D2HGDH: variants seen among roughly 807,000 people sequenced by gnomAD.
D2HGDH encodes D-2-hydroxyglutarate dehydrogenase.
In D2HGDH, 31 loss-of-function variants were observed where a neutral mutation model predicts 46.9. The ratio of observed to expected loss-of-function variants is 0.66; its 90% confidence interval spans 0.50 to 0.89. The LOEUF (loss-of-function observed/expected upper bound fraction) is 0.89. Among genes scored for constraint, D2HGDH ranks in the 40% least tolerant of loss-of-function variants. The pLI, the probability that D2HGDH is intolerant of heterozygous loss-of-function variation, is 0.00. For synonymous variants in D2HGDH, 364 were observed against 332.6 expected (o/e 1.09, Z -1.03); for missense variants, 698 against 720.8 (o/e 0.97, Z 0.36).
intron 8 of D2HGDH, among the ~76,000 whole-genome samples, chr2:241,753,326 A>G (rs1476743599): frequency 1.3e-5 from 2 of 151,454 alleles, no homozygotes; most frequent in Non-Finnish European, 2.9e-5. Flanking sequence ...GGCTCTGGGC[A>G]GGTCCTGAGG....
intron 8 of D2HGDH, chr2:241,755,288 T>A (rs1358217049): frequency 7.7e-7 from 1 of 1,298,528 alleles, no homozygotes; most frequent in Middle Eastern, 2.1e-4. Context: ...ACCCGCCATG[T>A]CCCTGCCTCC....
intron 9 of D2HGDH, among the ~76,000 whole-genome samples, chr2:241,764,518 C>T (rs1049687135): frequency 3.3e-5 from 5 of 152,190 alleles, no homozygotes; most frequent in East Asian, 1.9e-4. Flanking sequence ...GGTGGCATCT[C>T]GGAGGAGGCA....
At chr2:241,750,008 T>A in intron 6 of D2HGDH, 143 bp from the exon 7 acceptor site, 2 of 1,230,132 alleles carry the variant, frequency 1.6e-6, no homozygotes, top group Admixed American at 3.9e-5. Flanking sequence ...GGGCTGTTTG[T>A]TGCAGTGCCA....
intron 9 of D2HGDH, among the ~76,000 whole-genome samples, chr2:241,763,849 G>A (rs141726526): frequency 0.011 from 1,696 of 152,100 alleles, 39 homozygotes; most frequent in African/African-American, 0.039. Context: ...GGGCAACATG[G>A]TGAGACCGGC....
chr2:241,755,632 G>A (rs1197138661), intron 8 of D2HGDH: 4 of 1,530,744 alleles, frequency 2.6e-6, no homozygotes, highest in Non-Finnish European at 3.5e-6. Context: ...CCTGGTCTGG[G>A]GCATTCGCTG....
chr2:241,761,105 C>G (rs926942996), intron 9 of D2HGDH, among the ~76,000 whole-genome samples: 1 of 152,090 alleles, frequency 6.6e-6, no homozygotes, highest in Non-Finnish European at 1.5e-5. Flanking sequence ...CCTGTATTTG[C>G]GGGCTCCACA....
Position 241,742,388 on chromosome 2 carries a change from G to A in D2HGDH, c.351-47G>A, listed in dbSNP as rs369424425. The A allele has an allele frequency of 2.8e-4, 440 of 1,560,250 alleles. 1 individual carries two copies. The highest frequency in any genetic ancestry group is 1.5e-4 in the African/African-American group (11 of 73,666). On this transcript the variant is annotated intron_variant, in intron 3 of 9. Transcript: ENST00000321264. This position sits in a 1 kb window ranked among gnomAD's most constrained non-coding sequence, Gnocchi z 4.8. ...GCGGCGTGTCCTTGGGGATGGTGGC[G>A]TAGGGGTGGGGACAGAGCCCCAACG...
intron 9 of D2HGDH, among the ~76,000 whole-genome samples, chr2:241,763,740 CT>C (rs1203867572): frequency 6.6e-6 from 1 of 152,158 alleles, no homozygotes; most frequent in Non-Finnish European, 1.5e-5. Flanking sequence ...TATTCACATA[CT>C]TTGTGGACGC....
intron 6 of D2HGDH, among the ~76,000 whole-genome samples, chr2:241,747,793 G>C (rs964704909): frequency 6.6e-6 from 1 of 151,966 alleles, no homozygotes; most frequent in African/African-American, 2.4e-5. Flanking sequence ...GAACTCCTGA[G>C]CTCAAACAAT....
intron 2 of D2HGDH, among the ~76,000 whole-genome samples, chr2:241,740,127 G>A (rs766422267): frequency 3.3e-5 from 5 of 152,162 alleles, no homozygotes; most frequent in South Asian, 2.1e-4. Flanking sequence ...ACTGGGTGAC[G>A]GAGTGAGACC....
chr2:241,748,920 G>T (rs937327145), intron 6 of D2HGDH: 9 of 1,295,974 alleles, frequency 6.9e-6, no homozygotes, highest in African/African-American at 1.5e-5. Flanking sequence ...CCCGGCTGCC[G>T]CATCCTGCTC....
intron 5 of D2HGDH, 123 bp from the exon 6 acceptor site, chr2:241,744,586 G>A (rs1575233864): frequency 3.3e-6 from 4 of 1,223,942 alleles, no homozygotes; most frequent in Middle Eastern, 2.7e-4. Flanking sequence ...CAGGAGGAAA[G>A]TCCATCCTTC....
At chr2:241,745,589 TA>T (rs1391127830) in intron 6 of D2HGDH, among the ~76,000 whole-genome samples, 1 of 152,218 alleles carries the variant, frequency 6.6e-6, no homozygotes, top group Non-Finnish European at 1.5e-5. Flanking sequence ...TTCAGCCACT[TA>T]CATCTTCTTG....
chr2:241,740,551 G>T (rs1694159826), intron 2 of D2HGDH, among the ~76,000 whole-genome samples: 1 of 152,188 alleles, frequency 6.6e-6, no homozygotes, highest in Non-Finnish European at 1.5e-5. Context: ...ATGGCTTCTT[G>T]CTCTGTCACC....
chr2:241,755,499 C>G (rs1283265857), intron 8 of D2HGDH: 1 of 1,344,292 alleles, frequency 7.4e-7, no homozygotes. Flanking sequence ...CCCCTTCCGT[C>G]ATGGCTGTCC....
rs6716743 is a variant in D2HGDH, at chr2:241,768,657, G to A, written c.*688G>A. On this transcript the variant is annotated 3_prime_UTR_variant, in exon 10 of 10. Coordinates refer to ENST00000321264, the MANE Select transcript of D2HGDH (RefSeq NM_152783.5). Reference sequence around the variant, plus strand: ...GGTTCTGCTCCTACAAAGAACGTGCGGTGCTGCGGGCGAGGGCCCCGGCAC... The same window carrying A: ...GGTTCTGCTCCTACAAAGAACGTGCAGTGCTGCGGGCGAGGGCCCCGGCAC... The A allele has an allele frequency of 0.086, 13,114 of 152,380 alleles. 878 individuals are homozygous for A. Among genetic ancestry groups the A allele is most frequent in the African/African-American group, 0.19 (7,877 of 41,516 alleles). 9.4% of individuals were successfully genotyped at this position (152,380 alleles called of 1,614,324 possible).
Position 241,755,862 on chromosome 2 carries a change from T to C in D2HGDH, c.1154T>C (p.Leu385Pro). The change falls in exon 9 of 10, where the codon CTG (leucine) becomes CCG (proline). Residue 385 changes from leucine (L) to proline (P), a missense_variant. Transcript: ENST00000321264. The part of the protein sequence containing the change: ...DQRKVKMLWA[L>P]RERITEALSR... ...CTCATCCTCTAGATGCTGTGGGCCCTGAGGGAAAGGATCACAGAGGCGCTG... is the reference window on the plus strand; with the variant it reads ...CTCATCCTCTAGATGCTGTGGGCCCCGAGGGAAAGGATCACAGAGGCGCTG... 6.2e-7 allele frequency: 1 copy of C among 1,612,694 alleles called. No individual in the cohort carries two copies. The highest frequency in any genetic ancestry group is 8.5e-7 in the Non-Finnish European group (1 of 1,179,250).
At position 241,767,798 on chromosome 2, in the gene D2HGDH, G is replaced by T; in HGVS notation, c.1395G>T (p.Thr465=). 1 of 1,612,206 alleles carries T rather than the reference G, an allele frequency of 6.2e-7. No homozygotes were observed. Among genetic ancestry groups the T allele is most frequent in the Non-Finnish European group, 8.5e-7 (1 of 1,179,446 alleles). The part of the protein sequence containing the change: ...AALEPHVYEW[T]AGQQGSVSAE... ...TGGAGCCCCACGTGTACGAGTGGAC[G>T]GCCGGGCAGCAGGGCAGCGTCAGCG... The change falls in exon 10 of 10, where the codon ACG becomes ACT. Residue 465 remains threonine, a synonymous_variant. Transcript: ENST00000321264.
intron 6 of D2HGDH, among the ~76,000 whole-genome samples, chr2:241,747,702 A>G (rs1276158252): frequency 1.3e-5 from 2 of 152,188 alleles, no homozygotes; most frequent in Admixed American, 1.3e-4. Context: ...AGCTGGGACC[A>G]GGTGTGTACC....
Sources: allele counts gnomAD v4.1 joint callset (sites outside exome capture counted in the v4.1 genomes callset), GRCh38; gene constraint gnomAD v4.1.1; non-coding constraint Gnocchi (gnomAD v3.1); transcripts MANE v1.5; gene names NCBI Gene and HGNC (gene_info 2026-07-23, HGNC 2026-07-21).